L3MBTL4: variants seen among roughly 807,000 people sequenced by gnomAD.
The protein encoded by L3MBTL4 is L3MBTL histone methyl-lysine binding protein 4.
Under a neutral mutation model 84.5 loss-of-function variants are expected in L3MBTL4, and 70 were observed. That is an observed-to-expected ratio of 0.83 (90% confidence interval 0.68 to 1.01). The LOEUF (loss-of-function observed/expected upper bound fraction) is 1.01. L3MBTL4 is among the 50% of genes least tolerant of loss of function. L3MBTL4 has a pLI of 0.00. For synonymous variants in L3MBTL4, 274 were observed against 259.8 expected, an observed-to-expected ratio of 1.05 and a Z score of -0.52; for missense variants, 715 against 754.8, an observed-to-expected ratio of 0.95 and a Z score of 0.62.
chr18:6,358,713 T>G (rs2053551624), intron 1 of L3MBTL4, among the ~76,000 whole-genome samples: 1 of 152,236 alleles, frequency 6.6e-6, no homozygotes, highest in South Asian at 2.1e-4. Context: ...GTTTACAATG[T>G]CTACCCTCAG....
intron 1 of L3MBTL4, among the ~76,000 whole-genome samples, chr18:6,365,035 A>C (rs2053868511): frequency 6.6e-6 from 1 of 152,166 alleles, no homozygotes; most frequent in Non-Finnish European, 1.5e-5. Context: ...ATGTTTATTC[A>C]TGCTGTTGTT....
intron 16 of L3MBTL4, among the ~76,000 whole-genome samples, chr18:6,071,664 A>G (rs2057607086): frequency 2.7e-5 from 4 of 146,336 alleles, no homozygotes; most frequent in Non-Finnish European, 6.0e-5. Flanking sequence ...GAAGAAAGAA[A>G]GAAGGAAAAA....
intron 10 of L3MBTL4, among the ~76,000 whole-genome samples, chr18:6,237,342 G>A (rs1710687852): frequency 6.8e-6 from 1 of 146,310 alleles, no homozygotes; most frequent in South Asian, 2.4e-4. Context: ...GATAAATTAT[G>A]TAAGTAGAAA....
At chr18:5,978,700 C>CA (rs1273971501) in intron 16 of L3MBTL4, among the ~76,000 whole-genome samples, 1 of 152,166 alleles carries the variant, frequency 6.6e-6, no homozygotes, top group Non-Finnish European at 1.5e-5. Context: ...GAGTAGGACA[C>CA]AAAATAAGCC....
chr18:6,230,893 G>A (rs146286527), intron 10 of L3MBTL4, among the ~76,000 whole-genome samples: 1 of 152,104 alleles, frequency 6.6e-6, no homozygotes, highest in African/African-American at 2.4e-5. Context: ...TTGAAAAAAT[G>A]TCTGTTCATG....
At chr18:6,005,933 G>A (rs1241015707) in intron 16 of L3MBTL4, among the ~76,000 whole-genome samples, 2 of 151,808 alleles carry the variant, frequency 1.3e-5, no homozygotes, top group Non-Finnish European at 2.9e-5. Flanking sequence ...CACAATGGCT[G>A]AACTAATTTA....
chr18:6,194,169 C>T (rs1382297401), intron 12 of L3MBTL4, among the ~76,000 whole-genome samples: 1 of 152,156 alleles, frequency 6.6e-6, no homozygotes. Context: ...AAGTTAAACT[C>T]CCACCGTACA....
At chr18:6,407,450 A>G (rs2055783143) in intron 1 of L3MBTL4, among the ~76,000 whole-genome samples, 1 of 152,232 alleles carries the variant, frequency 6.6e-6, no homozygotes, top group African/African-American at 2.4e-5. Context: ...TAAAATATAG[A>G]CTTGGAAGTA....
At chr18:6,056,794 C>A (rs2057041412) in intron 16 of L3MBTL4, among the ~76,000 whole-genome samples, 2 of 152,172 alleles carry the variant, frequency 1.3e-5, no homozygotes, top group Non-Finnish European at 2.9e-5. Flanking sequence ...AGCTGCAACT[C>A]TGTCATTATT....
At chr18:6,015,130 G>C (rs2054906672) in intron 16 of L3MBTL4, among the ~76,000 whole-genome samples, 1 of 152,126 alleles carries the variant, frequency 6.6e-6, no homozygotes, top group Non-Finnish European at 1.5e-5. Context: ...TCAGGATAGA[G>C]ATGAGGGCTG....
intron 16 of L3MBTL4, among the ~76,000 whole-genome samples, chr18:6,014,751 C>T (rs2054887624): frequency 6.6e-6 from 1 of 152,078 alleles, no homozygotes; most frequent in African/African-American, 2.4e-5. Context: ...AAAACTTGAC[C>T]TTACCCCAAG....
At chr18:6,286,428 C>T (rs1315940451) in intron 4 of L3MBTL4, among the ~76,000 whole-genome samples, 2 of 151,594 alleles carry the variant, frequency 1.3e-5, no homozygotes, top group South Asian at 2.1e-4. Flanking sequence ...CACGCCACTG[C>T]ACTCGCCTGG....
chr18:6,045,878 A>T (rs139436284), intron 16 of L3MBTL4, among the ~76,000 whole-genome samples: 2 of 152,328 alleles, frequency 1.3e-5, no homozygotes, highest in African/African-American at 4.8e-5. Flanking sequence ...TCAAAATCTC[A>T]TATATCAACA....
At chr18:6,302,303 G>A (rs553697638) in intron 3 of L3MBTL4, among the ~76,000 whole-genome samples, 7 of 152,308 alleles carry the variant, frequency 4.6e-5, no homozygotes, top group East Asian at 3.9e-4. Context: ...GGTCCTCACC[G>A]AAGCCAAGCC....
At chr18:6,090,591 TATACACACACACAC>T (rs2058413772) in intron 15 of L3MBTL4, among the ~76,000 whole-genome samples, 5 of 128,342 alleles carry the variant, frequency 3.9e-5, no homozygotes, top group Admixed American at 3.7e-4. Context: ...ATATTATATA[TATACACACACACAC>T]ACACACACAC....
At chr18:6,182,595 T>G (rs1285024282) in intron 12 of L3MBTL4, among the ~76,000 whole-genome samples, 4 of 152,226 alleles carry the variant, frequency 2.6e-5, no homozygotes, top group Admixed American at 1.3e-4. Context: ...TTTGGTGTCT[T>G]CATCATGAAA....
At chr18:6,087,316 A>G (rs2058289723) in intron 15 of L3MBTL4, among the ~76,000 whole-genome samples, 1 of 152,184 alleles carries the variant, frequency 6.6e-6, no homozygotes, top group African/African-American at 2.4e-5. Flanking sequence ...TGAGGAGAGC[A>G]ATGAGCTGGG....
At chr18:6,060,503 CT>C (rs1004282729) in intron 16 of L3MBTL4, among the ~76,000 whole-genome samples, 4 of 151,900 alleles carry the variant, frequency 2.6e-5, no homozygotes, top group African/African-American at 9.7e-5. Flanking sequence ...CCCTTTACCC[CT>C]AATCCCATGT....
intron 12 of L3MBTL4, among the ~76,000 whole-genome samples, chr18:6,186,361 A>C (rs2044763024): frequency 6.6e-6 from 1 of 151,310 alleles, no homozygotes; most frequent in East Asian, 1.9e-4. Flanking sequence ...ATTTTTAATA[A>C]CTGTGGTGGC....
Sources: allele counts gnomAD v4.1 joint callset (sites outside exome capture counted in the v4.1 genomes callset), GRCh38; gene constraint gnomAD v4.1.1; transcripts MANE v1.5; gene names NCBI Gene and HGNC (gene_info 2026-07-23, HGNC 2026-07-21).